Variants in DIP2C observed in about 807,000 individuals in gnomAD.
The protein encoded by DIP2C is DIP2 acetate--CoA ligase C (putative).
In DIP2C, 33 loss-of-function variants were observed where a neutral mutation model predicts 192.4. The ratio of observed to expected loss-of-function variants is 0.17; its 90% confidence interval spans 0.13 to 0.23. The LOEUF (loss-of-function observed/expected upper bound fraction) is 0.23. DIP2C is among the 10% of genes least tolerant of loss of function. The probability of loss-of-function intolerance (pLI) is 1.00; values close to 1 mark genes in which losing one functional copy is unlikely to be tolerated. For synonymous variants in DIP2C, 979 were observed against 864.1 expected, an observed-to-expected ratio of 1.13 and a Z score of -2.33; for missense variants, 1,537 against 2,110.1, an observed-to-expected ratio of 0.73 and a Z score of 5.32.
chr10:390,462 C>G, intron 11 of DIP2C, 89 bp from the exon 12 acceptor site: 1 of 1,280,924 alleles, frequency 7.8e-7, no homozygotes, highest in Non-Finnish European at 1.1e-6. Context: ...CCCTTTCAAA[C>G]ACGTCAACTA....
chr10:647,606 A>G (rs1418697202), intron 1 of DIP2C, among the ~76,000 whole-genome samples: 1 of 148,752 alleles, frequency 6.7e-6, no homozygotes, highest in Non-Finnish European at 1.5e-5. Context: ...AGGGAAACTG[A>G]GTCCACGTCG....
chr10:658,650 A>G (rs1856558005), intron 1 of DIP2C, among the ~76,000 whole-genome samples: 1 of 152,216 alleles, frequency 6.6e-6, no homozygotes, highest in South Asian at 2.1e-4. Context: ...GACCCACTGT[A>G]ATTCTGTGTG....
intron 4 of DIP2C, among the ~76,000 whole-genome samples, chr10:434,594 C>A (rs928864691): frequency 1.3e-5 from 2 of 152,184 alleles, no homozygotes; most frequent in African/African-American, 4.8e-5. Context: ...TTTCTTTATG[C>A]ACAGCTGAGT....
chr10:316,570 ATTG>A (rs1956782338), intron 31 of DIP2C, among the ~76,000 whole-genome samples: 1 of 152,152 alleles, frequency 6.6e-6, no homozygotes, highest in Non-Finnish European at 1.5e-5. Context: ...TCCCACCTCC[ATTG>A]TTGAAGTGTG....
intron 6 of DIP2C, among the ~76,000 whole-genome samples, chr10:417,654 AC>A (rs1380590080): frequency 1.5e-3 from 17 of 11,008 alleles, no homozygotes; most frequent in African/African-American, 4.4e-3. Flanking sequence ...CTCCCTGTCC[AC>A]CTGTTCCTGT....
chr10:597,732 T>C (rs1335051577), intron 1 of DIP2C, among the ~76,000 whole-genome samples: 1 of 152,238 alleles, frequency 6.6e-6, no homozygotes. Context: ...GAACTACTTC[T>C]GTCCCTTCAT....
chr10:367,874 G>A (rs1166010130), intron 18 of DIP2C, among the ~76,000 whole-genome samples: 1 of 152,252 alleles, frequency 6.6e-6, no homozygotes, highest in African/African-American at 2.4e-5. Context: ...CACACGGGGT[G>A]GGGGTGCAGG....
intron 1 of DIP2C, among the ~76,000 whole-genome samples, chr10:674,795 G>T (rs199910319): frequency 0.18 from 6,356 of 34,430 alleles, 218 homozygotes; most frequent in Non-Finnish European, 0.24. Context: ...TATATAGAGA[G>T]AGAGAGAGAG....
intron 2 of DIP2C, chr10:484,981 A>C: frequency 6.3e-7 from 1 of 1,575,226 alleles, no homozygotes; most frequent in African/African-American, 1.4e-5. Flanking sequence ...TAATTAATTC[A>C]AACTTTAGTT....
intron 2 of DIP2C, among the ~76,000 whole-genome samples, chr10:475,598 C>G (rs1408758012): frequency 1.3e-5 from 2 of 152,136 alleles, no homozygotes; most frequent in African/African-American, 2.4e-5. Context: ...GCATACCATC[C>G]TCGTGAATAT....
At chr10:383,990 C>T in intron 16 of DIP2C, 37 bp downstream of exon 16, 1 of 1,467,494 alleles carries the variant, frequency 6.8e-7, no homozygotes. Context: ...GACTCCACAG[C>T]CCGCCTGCCT....
At chr10:526,336 G>A (rs1847048575) in intron 1 of DIP2C, among the ~76,000 whole-genome samples, 1 of 152,150 alleles carries the variant, frequency 6.6e-6, no homozygotes, top group Non-Finnish European at 1.5e-5. Context: ...TTAGAAAAAT[G>A]TGTGTTTAGC....
At chr10:638,422 G>C (rs1854953577) in intron 1 of DIP2C, among the ~76,000 whole-genome samples, 1 of 152,188 alleles carries the variant, frequency 6.6e-6, no homozygotes, top group South Asian at 2.1e-4. Flanking sequence ...GTTTGCTTCA[G>C]TTGACTCAAA....
At position 615,706 on chromosome 10, in the gene DIP2C, T is replaced by G. The variant is rs781647259; in HGVS notation, c.85+73788A>C. Among the ~76,000 whole-genome samples, 2 of 152,076 alleles carry G rather than the reference T, an allele frequency of 1.3e-5. 1 individual carries two copies. The highest frequency in any genetic ancestry group is 3.9e-4 in the East Asian group (2 of 5,192). The stretch of plus-strand genomic sequence containing the variant: ...CGACAGATGACACATCCATGCCTCA[T>G]CCATGGCAACACAGAAACCCACTTG... On this transcript the variant is annotated intron_variant, in intron 1 of 36. Transcript: ENST00000280886.
chr10:391,219 G>C (rs767276510), intron 10 of DIP2C, among the ~76,000 whole-genome samples: 1 of 152,212 alleles, frequency 6.6e-6, no homozygotes, highest in African/African-American at 2.4e-5. Context: ...TGCAATTACT[G>C]TAGAGAATAG....
At chr10:336,768 G>A (rs1313933013) in intron 29 of DIP2C, among the ~76,000 whole-genome samples, 1 of 152,204 alleles carries the variant, frequency 6.6e-6, no homozygotes, top group African/African-American at 2.4e-5. Flanking sequence ...CCTCCAGTGG[G>A]ACAAGAGGTG....
At chr10:508,784 G>A (rs1564802446) in intron 1 of DIP2C, among the ~76,000 whole-genome samples, 1 of 152,218 alleles carries the variant, frequency 6.6e-6, no homozygotes, top group Non-Finnish European at 1.5e-5. Flanking sequence ...ACATACAGGA[G>A]ATGGCGAGAC....
At chr10:468,854 T>C (rs980110603) in intron 3 of DIP2C, among the ~76,000 whole-genome samples, 1 of 152,226 alleles carries the variant, frequency 6.6e-6, no homozygotes, top group Admixed American at 6.5e-5. Flanking sequence ...CTTTCCATTA[T>C]ATCTCAAATA....
intron 32 of DIP2C, among the ~76,000 whole-genome samples, chr10:305,824 G>T (rs1956290438): frequency 6.6e-6 from 1 of 151,916 alleles, no homozygotes; most frequent in Non-Finnish European, 1.5e-5. Context: ...TTTAAAAAAT[G>T]TTGTAGAGAT....
Sources: allele counts gnomAD v4.1 joint callset (sites outside exome capture counted in the v4.1 genomes callset), GRCh38; gene constraint gnomAD v4.1.1; transcripts MANE v1.5; gene names NCBI Gene and HGNC (gene_info 2026-07-23, HGNC 2026-07-21).